The following TEX11 variants were observed in gnomAD, a reference collection of about 807,000 sequenced individuals.
The protein encoded by TEX11 is testis-expressed protein 11.
A neutral mutation model predicts 84.4 loss-of-function variants in TEX11; 7 were observed. The observed-to-expected ratio is 0.08, with a 90% confidence interval of 0.05 to 0.16. The LOEUF (loss-of-function observed/expected upper bound fraction) is 0.16. TEX11 is among the 10% of genes least tolerant of loss of function. The pLI is 1.00. For synonymous variants in TEX11, 264 were observed against 222.8 expected (o/e 1.18, Z -1.64); for missense variants, 551 against 660.5 (o/e 0.83, Z 1.82).
chrX:70,800,854 A>G (rs1014083344), intron 9 of TEX11, among the ~76,000 whole-genome samples: 2 of 110,516 alleles, frequency 1.8e-5, no homozygotes, highest in African/African-American at 6.6e-5. Flanking sequence ...CACCATGCCC[A>G]GCTTAGATAA....
At chrX:70,720,225 T>C (rs1027603847) in intron 13 of TEX11, among the ~76,000 whole-genome samples, 1 of 111,326 alleles carries the variant, frequency 9.0e-6, no homozygotes. Flanking sequence ...TGTAGGGACA[T>C]GGATGAAGCT....
At chrX:70,817,451 C>T (rs996565542) in intron 8 of TEX11, among the ~76,000 whole-genome samples, 8 of 112,133 alleles carry the variant, frequency 7.1e-5, no homozygotes, top group East Asian at 2.8e-4. Context: ...AAAGCACACA[C>T]GTGCCTGTAG....
intron 25 of TEX11, among the ~76,000 whole-genome samples, chrX:70,562,652 C>T (rs2088391261): frequency 8.9e-6 from 1 of 112,061 alleles, no homozygotes; most frequent in African/African-American, 3.2e-5. Flanking sequence ...CTGGGATTCC[C>T]TCCACATCCT....
intron 9 of TEX11, among the ~76,000 whole-genome samples, chrX:70,772,993 G>T (rs1186156408): frequency 9.1e-6 from 1 of 109,908 alleles, no homozygotes; most frequent in African/African-American, 3.3e-5. Context: ...GAATTTATGG[G>T]ACTCCATAAA....
At chrX:70,750,307 G>A (rs1250843807) in intron 9 of TEX11, among the ~76,000 whole-genome samples, 9 of 111,315 alleles carry the variant, frequency 8.1e-5, no homozygotes, top group Non-Finnish European at 1.3e-4. Flanking sequence ...AAATAGGAAC[G>A]CTTCTACACT....
In TEX11 at chrX:70,760,495, A is replaced by G. The variant is rs190333795; in HGVS notation, c.693-16276T>C. 2.2e-3 allele frequency among the ~76,000 whole-genome samples: 247 copies of G among 111,990 alleles called. 1 individual carries two copies. Among genetic ancestry groups the G allele is most frequent in the African/African-American group, 7.8e-3 (241 of 30,859 alleles). On this transcript the variant is annotated intron_variant, in intron 9 of 29. Coordinates refer to ENST00000374333, the MANE Select transcript of TEX11 (RefSeq NM_031276.3). ...CTGATCTTTGACAAACCTGACAAAA[A>G]CAAGCAATGGGGAAAGGATTCCCTA... is the stretch of plus-strand genomic sequence containing the variant.
At chrX:70,596,819 T>C (rs1229977310) in intron 24 of TEX11, among the ~76,000 whole-genome samples, 1 of 110,485 alleles carries the variant, frequency 9.1e-6, no homozygotes, top group Non-Finnish European at 1.9e-5. Flanking sequence ...ATAGAAAAAA[T>C]GAAACCAAAA....
chrX:70,591,854 G>A, intron 24 of TEX11, 31 bp from the exon 25 acceptor site: 1 of 1,102,407 alleles, frequency 9.1e-7, no homozygotes, highest in Non-Finnish European at 1.2e-6. Flanking sequence ...AAGTTAATTA[G>A]TCCCAACAAA....
rs141951098 is a variant in TEX11 at position 70,880,092 on chromosome X, C to G, written c.55G>C (p.Val19Leu). Residue 19 changes from valine (V) to leucine (L), a missense_variant, in exon 3 of 30, where the codon GTT becomes CTT. Physicochemically the swap from Val to Leu is conservative, Grantham distance 32. Transcript: ENST00000374333. ...MDFKEVVENL[V>L]TNDNSPNIPE... Reference sequence around the variant, plus strand: ...ATGTTAGGTGAATTATCATTTGTAACCAGGTTTTCAACAACTTCTGAAATG... The same window carrying G: ...ATGTTAGGTGAATTATCATTTGTAAGCAGGTTTTCAACAACTTCTGAAATG... 6 of 1,184,292 alleles carry G rather than the reference C, an allele frequency of 5.1e-6. No individual in the cohort carries two copies. Among genetic ancestry groups the G allele is most frequent in the Non-Finnish European group, 6.8e-6 (6 of 878,387 alleles).
At chrX:70,872,572 CACTA>C (rs746823097) in intron 4 of TEX11, among the ~76,000 whole-genome samples, 11 of 112,295 alleles carry the variant, frequency 9.8e-5, no homozygotes, top group African/African-American at 1.3e-4. Flanking sequence ...TGTTGAAAAT[CACTA>C]ACTGTCAGCA....
chrX:70,542,574 T>C (rs1045704868), intron 28 of TEX11, among the ~76,000 whole-genome samples: 4 of 112,002 alleles, frequency 3.6e-5, no homozygotes, highest in African/African-American at 9.7e-5. Flanking sequence ...AATAGCAGCA[T>C]TGTCTACTTC....
chrX:70,587,191 TG>T (rs1374267057), intron 25 of TEX11, among the ~76,000 whole-genome samples: 2 of 112,320 alleles, frequency 1.8e-5, no homozygotes, highest in Non-Finnish European at 3.8e-5. Context: ...ACCCATTTTC[TG>T]GGGAGAAATT....
intron 17 of TEX11, among the ~76,000 whole-genome samples, chrX:70,647,684 A>T (rs1362990202): frequency 6.3e-5 from 7 of 111,280 alleles, no homozygotes; most frequent in Non-Finnish European, 1.3e-4. Context: ...AAAAAATAAA[A>T]AAAGGATGTG....
Position 70,624,865 on chromosome X carries a change from G to C in TEX11, c.1668C>G (p.Asp556Glu). 4.1e-6 allele frequency: 5 copies of C among 1,208,365 alleles called. No individual in the cohort carries two copies. The highest frequency in any genetic ancestry group is 5.6e-6 in the Non-Finnish European group (5 of 893,642). Residue 556 changes from aspartate to glutamate, a missense_variant, in exon 19 of 30, where the codon GAC (aspartate) becomes GAG (glutamate). Physicochemically the swap from Asp to Glu is conservative, Grantham distance 45. Coordinates refer to ENST00000374333, the MANE Select transcript of TEX11 (RefSeq NM_031276.3). ...TTACAGCTGTAAGAACTTGTTCCTG[G>C]TCTTCTGAATGTTGAGCTAAATATT... Reference protein sequence around the residue: ...ALEYLAQHSEDQEQVLTAVKC... With the variant: ...ALEYLAQHSEEQEQVLTAVKC...
intron 9 of TEX11, among the ~76,000 whole-genome samples, chrX:70,789,969 T>G (rs1382200143): frequency 8.9e-6 from 1 of 112,125 alleles, no homozygotes; most frequent in Non-Finnish European, 1.9e-5. Context: ...ATGGAAAAAC[T>G]GTGATTTGTG....
At position 70,529,029 on chromosome X, in the gene TEX11, C is replaced by G. The variant is rs1413750516; in HGVS notation, c.*66G>C. ...CAGAAACAAAAGCTCAAGAGAAACT[C>G]TGGCAAAAATTTAAACAGTCAGCAT... On this transcript the variant is annotated 3_prime_UTR_variant, in exon 30 of 30. Coordinates refer to ENST00000374333, the MANE Select transcript of TEX11 (RefSeq NM_031276.3). 1 of 911,314 alleles carries G rather than the reference C, an allele frequency of 1.1e-6. No individual in the cohort carries two copies. Among genetic ancestry groups the G allele is most frequent in the Non-Finnish European group, 1.6e-6 (1 of 637,870 alleles). 75.1% of individuals were successfully genotyped at this position (911,314 alleles called of 1,213,427 possible). A position where few individuals can be genotyped will look rare whatever the true frequency, so the allele number is the denominator to read the frequency against.
intron 11 of TEX11, among the ~76,000 whole-genome samples, chrX:70,730,251 G>A (rs191704722): frequency 9.0e-6 from 1 of 111,609 alleles, no homozygotes; most frequent in Non-Finnish European, 1.9e-5. Flanking sequence ...CAACTAACGG[G>A]CAAAATAACC....
intron 25 of TEX11, among the ~76,000 whole-genome samples, chrX:70,566,478 G>A (rs924494814): frequency 1.7e-4 from 19 of 110,669 alleles, no homozygotes; most frequent in Non-Finnish European, 3.4e-4. Flanking sequence ...TCCCTCTCTT[G>A]TGCCAGTTTT....
In TEX11 at chrX:70,567,676, C is replaced by G. The variant is rs2088511057; in HGVS notation, c.2141-12876G>C. 5.4e-5 allele frequency among the ~76,000 whole-genome samples: 6 copies of G among 111,544 alleles called. No individual in the cohort carries two copies. In the South Asian group the frequency reaches 2.3e-3, roughly 43 times the overall value. On this transcript the variant is annotated intron_variant, in intron 25 of 29. Transcript: ENST00000374333. ...TTTTGTTATGTACCCAGTAGTCATTCAGGAGCAGGTTGTTCAGTTTCCGTG... is the reference window on the plus strand; with the variant it reads ...TTTTGTTATGTACCCAGTAGTCATTGAGGAGCAGGTTGTTCAGTTTCCGTG...
Sources: allele counts gnomAD v4.1 joint callset (sites outside exome capture counted in the v4.1 genomes callset), GRCh38; gene constraint gnomAD v4.1.1; transcripts MANE v1.5; gene names NCBI Gene and HGNC (gene_info 2026-07-23, HGNC 2026-07-21).